PTPRG: variants seen among roughly 807,000 people sequenced by gnomAD.
The protein encoded by PTPRG is protein tyrosine phosphatase receptor type G, also known as receptor-type tyrosine-protein phosphatase gamma.
In PTPRG, 102 loss-of-function variants were observed where a neutral mutation model predicts 165.3. The ratio of observed to expected loss-of-function variants is 0.62; its 90% CI spans 0.53 to 0.73. The LOEUF (loss-of-function observed/expected upper bound fraction) is 0.73, where lower values mean the gene tolerates loss of function less well. Ranked by LOEUF, PTPRG falls within the 30% of genes least tolerant of loss-of-function variation. The pLI is 0.00. For missense variants in PTPRG, 1,866 were observed against 1,861.4 expected (o/e 1.00, Z -0.05); for synonymous variants, 675 against 669.5 (o/e 1.01, Z -0.13).
At chr3:61,908,963 C>G (rs1267818075) in intron 2 of PTPRG, among the ~76,000 whole-genome samples, 1 of 152,010 alleles carries the variant, frequency 6.6e-6, no homozygotes, top group Non-Finnish European at 1.5e-5. Flanking sequence ...ACTGACTTGC[C>G]CTTTCACTAG....
chr3:62,250,675 G>C (rs181345697), intron 15 of PTPRG, among the ~76,000 whole-genome samples: 1 of 152,272 alleles, frequency 6.6e-6, no homozygotes, highest in East Asian at 1.9e-4. Flanking sequence ...TTTGGAAACA[G>C]CTTTATGTTC....
chr3:61,868,159 C>T (rs1444004059), intron 2 of PTPRG, among the ~76,000 whole-genome samples: 2 of 152,202 alleles, frequency 1.3e-5, no homozygotes, highest in African/African-American at 4.8e-5. Context: ...TATGTGAAGG[C>T]TGTGGATTGA....
At chr3:62,242,827 A>C (rs1412903078) in intron 14 of PTPRG, among the ~76,000 whole-genome samples, 2 of 152,108 alleles carry the variant, frequency 1.3e-5, no homozygotes, top group Non-Finnish European at 2.9e-5. Flanking sequence ...GCAAAGCTGT[A>C]ATGTGTGTAA....
In PTPRG at chr3:62,047,544, G is replaced by A. The variant is rs531688853; in HGVS notation, c.520-30619G>A. ...CCCAAAGTGCTAGGATTACAGGCGTGAGCCACCATGCCCAGCCCCAGCTTC... is the reference window on the plus strand; with the variant it reads ...CCCAAAGTGCTAGGATTACAGGCGTAAGCCACCATGCCCAGCCCCAGCTTC... On this transcript the variant is annotated intron_variant, in intron 4 of 29. Transcript: ENST00000474889. 1.3e-3 allele frequency among the ~76,000 whole-genome samples: 191 copies of A among 152,292 alleles called. 1 individual carries two copies. The highest frequency in any genetic ancestry group is 0.011 in the Admixed American group (174 of 15,292).
chr3:61,949,543 C>T (rs1332219480), intron 2 of PTPRG, among the ~76,000 whole-genome samples: 2 of 152,102 alleles, frequency 1.3e-5, no homozygotes, highest in Non-Finnish European at 2.9e-5. Context: ...ACCTTTTATG[C>T]AACTCACCTG....
At chr3:62,282,489 C>T (rs1232828312) in intron 27 of PTPRG, among the ~76,000 whole-genome samples, 3 of 149,954 alleles carry the variant, frequency 2.0e-5, no homozygotes, top group Non-Finnish European at 4.4e-5. Context: ...CTTGGCCTCC[C>T]AAAGTACTGA....
At chr3:61,732,391 C>G (rs1223198810) in intron 1 of PTPRG, among the ~76,000 whole-genome samples, 1 of 152,066 alleles carries the variant, frequency 6.6e-6, no homozygotes, top group Admixed American at 6.5e-5. Flanking sequence ...TCCTGGCTAA[C>G]ACGGTGAAAC....
chr3:62,025,603 A>G (rs956888301), intron 4 of PTPRG, among the ~76,000 whole-genome samples: 1 of 151,996 alleles, frequency 6.6e-6, no homozygotes, highest in Non-Finnish European at 1.5e-5. Context: ...TTTCCCTTTT[A>G]AGTCTTTTCA....
chr3:62,038,175 TAAATG>T (rs1046734964), intron 4 of PTPRG, among the ~76,000 whole-genome samples: 3 of 152,190 alleles, frequency 2.0e-5, no homozygotes, highest in African/African-American at 7.2e-5. Context: ...TTTTGGAAAT[TAAATG>T]AAATGATTGA....
intron 1 of PTPRG, among the ~76,000 whole-genome samples, chr3:61,579,305 G>A (rs1356477385): frequency 6.6e-6 from 1 of 152,140 alleles, no homozygotes; most frequent in Non-Finnish European, 1.5e-5. Flanking sequence ...CATGGGGTCT[G>A]GGAGTTTTAC....
At chr3:61,878,042 G>A in intron 2 of PTPRG, among the ~76,000 whole-genome samples, 1 of 152,100 alleles carries the variant, frequency 6.6e-6, no homozygotes, top group East Asian at 1.9e-4. Context: ...TGTTAAATTT[G>A]GGATTTTTTG....
chr3:62,216,033 C>T (rs116101835), intron 12 of PTPRG, among the ~76,000 whole-genome samples: 2,670 of 152,142 alleles, frequency 0.018, 34 homozygotes, highest in Non-Finnish European at 0.029. Context: ...GCCTGAGCAA[C>T]ATGGTGAAAC....
chr3:61,804,315 G>A (rs2035344166), intron 2 of PTPRG, among the ~76,000 whole-genome samples: 1 of 152,316 alleles, frequency 6.6e-6, no homozygotes, highest in African/African-American at 2.4e-5. Flanking sequence ...ACTTGGAGGG[G>A]CAATCTGGAG....
chr3:61,728,527 G>A (rs2032354074), intron 1 of PTPRG, among the ~76,000 whole-genome samples: 1 of 152,114 alleles, frequency 6.6e-6, no homozygotes, highest in African/African-American at 2.4e-5. Flanking sequence ...AGGCTGCAGT[G>A]ATCTCTGATT....
intron 2 of PTPRG, among the ~76,000 whole-genome samples, chr3:61,896,302 T>C (rs2038352723): frequency 6.6e-6 from 1 of 152,226 alleles, no homozygotes; most frequent in Non-Finnish European, 1.5e-5. Flanking sequence ...ATAAGTGGAA[T>C]CATACAATAT....
chr3:61,844,792 C>T (rs1482865837), intron 2 of PTPRG, among the ~76,000 whole-genome samples: 1 of 152,048 alleles, frequency 6.6e-6, no homozygotes, highest in Admixed American at 6.6e-5. Context: ...CATGAGCCAC[C>T]ACACCTGGCC....
At chr3:61,736,347 A>C (rs183610978) in intron 1 of PTPRG, among the ~76,000 whole-genome samples, 107 of 151,412 alleles carry the variant, frequency 7.1e-4, no homozygotes, top group African/African-American at 2.6e-3. Flanking sequence ...GTGTAATTTT[A>C]TGTACTATAT....
intron 2 of PTPRG, among the ~76,000 whole-genome samples, chr3:61,833,601 C>T (rs934810118): frequency 7.9e-5 from 12 of 152,160 alleles, no homozygotes; most frequent in Admixed American, 5.9e-4. Context: ...CTCACTCTGT[C>T]GCCCAGGCTG....
intron 2 of PTPRG, among the ~76,000 whole-genome samples, chr3:61,923,575 G>A (rs1294012530): frequency 6.0e-5 from 6 of 100,300 alleles, no homozygotes; most frequent in Admixed American, 1.3e-4. Flanking sequence ...CCCCACAACA[G>A]CCCCCGGTGT....
Sources: gnomAD v4.1 joint callset for allele counts (sites outside exome capture counted in the v4.1 genomes callset) on GRCh38, gnomAD v4.1.1 for gene constraint, MANE v1.5 for transcripts, NCBI Gene and HGNC (gene_info 2026-07-23, HGNC 2026-07-21) for gene names.